Variants in ALPK3 observed in about 807,000 individuals in gnomAD.
ALPK3 encodes the protein alpha kinase 3, also known as alpha-protein kinase 3.
ALPK3 carries 102 observed loss-of-function variants against 140.0 expected under a neutral mutation model. That is an observed-to-expected ratio of 0.73 (90% CI 0.62 to 0.86). ALPK3 has a LOEUF of 0.86. Among genes scored for constraint, ALPK3 ranks in the 40% least tolerant of loss-of-function variants. The pLI is 0.00. For missense variants in ALPK3, 2,254 were observed against 2,208.2 expected (o/e 1.02, Z -0.42); for synonymous variants, 938 against 898.5 (o/e 1.04, Z -0.79).
rs1182495506 is a variant in ALPK3, at chr15:84,827,612, A to C, written c.304+7A>C. On this transcript the variant is annotated splice_region_variant and intron_variant, in intron 3 of 13. Coordinates refer to ENST00000258888, the MANE Select transcript of ALPK3 (RefSeq NM_020778.5). ...TTCACCTGCATCGTCACAGGTAAGG[A>C]TGCTGTCTGTATGCTCCATGCCAGG... is the stretch of plus-strand genomic sequence containing the variant. The C allele has an allele frequency of 3.1e-6, 5 of 1,613,912 alleles. 1 individual carries two copies. Among genetic ancestry groups the C allele is most frequent in the Non-Finnish European group, 1.7e-6 (2 of 1,180,042 alleles).
chr15:84,845,984 C>T (rs912235243), intron 5 of ALPK3, among the ~76,000 whole-genome samples: 12 of 152,176 alleles, frequency 7.9e-5, no homozygotes, highest in African/African-American at 1.7e-4. Context: ...TGCTTGAACC[C>T]GGGAACCTGG....
rs898589974 is a variant in ALPK3, at chr15:84,840,886, G to A, written c.1607G>A (p.Arg536Gln). The A allele has an allele frequency of 5.6e-6, 9 of 1,612,310 alleles. No individual in the cohort carries two copies. Among genetic ancestry groups the A allele is most frequent in the African/African-American group, 4.0e-5 (3 of 74,864 alleles). Reference protein sequence around the residue: ...TPPARRRHGTRDSTLQGQAGH... With the variant: ...TPPARRRHGTQDSTLQGQAGH... ...CCTGCCCGGCGGAGACATGGCACCCGGGACAGCACGTTGCAGGGGCAAGCA... is the reference window on the plus strand; with the variant it reads ...CCTGCCCGGCGGAGACATGGCACCCAGGACAGCACGTTGCAGGGGCAAGCA... Residue 536 changes from arginine (R) to glutamine (Q), a missense_variant, in exon 5 of 14, where the codon CGG becomes CAG. Physicochemically the swap from Arg to Gln is conservative, Grantham distance 43. Transcript: ENST00000258888.
intron 3 of ALPK3, among the ~76,000 whole-genome samples, chr15:84,838,638 T>TTATTATTATTATGA (rs145586317): frequency 1.4e-5 from 2 of 139,498 alleles, no homozygotes; most frequent in East Asian, 4.2e-4. Flanking sequence ...ATTATTATTA[T>TTATTATTATTATGA]TGAGATGGAG....
At position 84,840,141 on chromosome 15, in the gene ALPK3, G is replaced by C. The variant is rs909876510; in HGVS notation, c.862G>C (p.Gly288Arg). 20 of 1,614,020 alleles carry C rather than the reference G, an allele frequency of 1.2e-5. No homozygotes were observed. The highest frequency in any genetic ancestry group is 1.7e-5 in the Non-Finnish European group (20 of 1,179,972). ...GEAAPENGED[G>R]EHGLLTYICD... ...GGCTGCCCCCGAGAATGGAGAGGAC[G>C]GAGAGCATGGCTTGCTGACATACAT... Residue 288 changes from glycine (G) to arginine (R), a missense_variant, in exon 5 of 14, where the codon GGA becomes CGA. Transcript: ENST00000258888.
Position 84,868,431 on chromosome 15 carries a change from G to A in ALPK3, c.5093G>A (p.Gly1698Asp). The stretch of plus-strand genomic sequence containing the variant: ...GGACAGCCTCCCACCCAAGAGGAGG[G>A]CTCCAAGGCCCAGGGCATGCGGTAG... ...LLGQPPTQEE[G>D]SKAQGMR Residue 1698 changes from glycine (G) to aspartate (D), a missense_variant, in exon 14 of 14, where the codon GGC becomes GAC. Coordinates refer to ENST00000258888, the MANE Select transcript of ALPK3 (RefSeq NM_020778.5). 1.2e-6 allele frequency: 2 copies of A among 1,610,324 alleles called. No individual in the cohort carries two copies. Among genetic ancestry groups the A allele is most frequent in the South Asian group, 1.1e-5 (1 of 91,076 alleles).
intron 3 of ALPK3, among the ~76,000 whole-genome samples, chr15:84,834,369 CA>C (rs1268855225): frequency 2.6e-5 from 4 of 152,158 alleles, no homozygotes; most frequent in Non-Finnish European, 5.9e-5. Context: ...TAACTTTGGA[CA>C]AGAGCTTTAA....
chr15:84,831,605 CT>C (rs1230081404), intron 3 of ALPK3, among the ~76,000 whole-genome samples: 1 of 152,208 alleles, frequency 6.6e-6, no homozygotes, highest in African/African-American at 2.4e-5. Context: ...TTTCTAAAAG[CT>C]TCCTTTTCCT....
At chr15:84,867,427 A>G (rs1276610998) in intron 13 of ALPK3, 62 bp downstream of exon 13, 1 of 1,590,136 alleles carries the variant, frequency 6.3e-7, no homozygotes, top group African/African-American at 1.3e-5. Context: ...AAATGTCCTA[A>G]GCCCTTCTGG....
chr15:84,844,254 A>G (rs1963702920), intron 5 of ALPK3, among the ~76,000 whole-genome samples: 1 of 151,912 alleles, frequency 6.6e-6, no homozygotes, highest in Non-Finnish European at 1.5e-5. Flanking sequence ...ACAAAAAACA[A>G]AAATTAGCCA....
chr15:84,864,155 A>C (rs987554856), intron 11 of ALPK3, among the ~76,000 whole-genome samples: 1 of 152,118 alleles, frequency 6.6e-6, no homozygotes, highest in Non-Finnish European at 1.5e-5. Flanking sequence ...TGACACATAC[A>C]TGCCTCAATC....
chr15:84,844,862 A>C (rs897047372), intron 5 of ALPK3, among the ~76,000 whole-genome samples: 31 of 152,238 alleles, frequency 2.0e-4, no homozygotes, highest in Admixed American at 6.5e-4. Flanking sequence ...GTCTCAAAAA[A>C]AAAAAGGTGG....
intron 2 of ALPK3, among the ~76,000 whole-genome samples, chr15:84,824,158 C>T (rs1356581970): frequency 2.0e-5 from 3 of 152,134 alleles, no homozygotes. Context: ...CTGAATTTTC[C>T]TTTCCTTTGG....
At chr15:84,844,587 T>A (rs1053707129) in intron 5 of ALPK3, among the ~76,000 whole-genome samples, 19 of 152,298 alleles carry the variant, frequency 1.2e-4, no homozygotes, top group African/African-American at 4.3e-4. Context: ...CCGAGCGCAG[T>A]GGTTCACGCC....
At chr15:84,827,155 T>C (rs1963496442) in intron 2 of ALPK3, among the ~76,000 whole-genome samples, 1 of 152,146 alleles carries the variant, frequency 6.6e-6, no homozygotes, top group East Asian at 1.9e-4. Context: ...TCCCTGGAGA[T>C]GAAAGGTGCA....
chr15:84,842,884 A>T (rs1387623401), intron 5 of ALPK3, among the ~76,000 whole-genome samples: 1 of 152,162 alleles, frequency 6.6e-6, no homozygotes, highest in Non-Finnish European at 1.5e-5. Flanking sequence ...GCTGCTGCAC[A>T]TGCCTGACAG....
Position 84,817,508 on chromosome 15 carries a change from C to CG in ALPK3, c.62dup (p.Asp22ArgfsTer3). Reference sequence around the variant, plus strand: ...TGGGGCGCGGGTGGGCGGTCGGGGGCGGGGGGCGACGGTGAGGACGACGGC... The same window carrying CG: ...TGGGGCGCGGGTGGGCGGTCGGGGGCGGGGGGGCGACGGTGAGGACGACGGC... On this transcript the variant is annotated frameshift_variant, in exon 1 of 14. Transcript: ENST00000258888. LOFTEE classifies it high-confidence loss of function. 2 of 702,714 alleles carry CG rather than the reference C, an allele frequency of 2.8e-6. No homozygotes were observed. The highest frequency in any genetic ancestry group is 2.8e-5 in the Admixed American group (1 of 36,232). 43.5% of individuals were successfully genotyped at this position (702,714 alleles called of 1,614,324 possible). A position where few individuals can be genotyped will look rare whatever the true frequency, so the allele number is the denominator to read the frequency against.
At chr15:84,831,665 G>T (rs1030846023) in intron 3 of ALPK3, among the ~76,000 whole-genome samples, 1 of 151,914 alleles carries the variant, frequency 6.6e-6, no homozygotes, top group Non-Finnish European at 1.5e-5. Context: ...ATTTAATTTT[G>T]TCATTAATCT....
intron 5 of ALPK3, among the ~76,000 whole-genome samples, chr15:84,845,409 T>G (rs1382621437): frequency 1.3e-5 from 2 of 152,022 alleles, no homozygotes; most frequent in Non-Finnish European, 2.9e-5. Flanking sequence ...GTCTCTTCCT[T>G]GGTCCAGATC....
chr15:84,857,376 A>G lies in ALPK3; in HGVS notation c.2638A>G (p.Lys880Glu). The G allele has an allele frequency of 6.2e-7, 1 of 1,614,124 alleles. No individual in the cohort carries two copies. Among genetic ancestry groups the G allele is most frequent in the East Asian group, 2.2e-5 (1 of 44,892 alleles). The change falls in exon 6 of 14, where the codon AAG becomes GAG. Residue 880 changes from lysine (K) to glutamate (E), a missense_variant. Transcript: ENST00000258888. ...LPGTGLTASP[K>E]AGPCSTPTSQ... The stretch of plus-strand genomic sequence containing the variant: ...TGGAACTGGGCTGACAGCTAGCCCA[A>G]AGGCGGGGCCGTGTAGCACCCCGAC...
Sources: allele counts gnomAD v4.1 joint callset (sites outside exome capture counted in the v4.1 genomes callset), GRCh38; gene constraint gnomAD v4.1.1; transcripts MANE v1.5; gene names NCBI Gene and HGNC (gene_info 2026-07-23, HGNC 2026-07-21).